Variants in CARNS1 observed in about 807,000 individuals in gnomAD.
CARNS1 encodes the protein carnosine synthase 1.
A neutral mutation model predicts 74.0 loss-of-function variants in CARNS1; 61 were observed. The observed-to-expected ratio is 0.82, with a 90% CI of 0.67 to 1.02. The LOEUF is 1.02. Ranked by LOEUF, CARNS1 falls within the 50% of genes least tolerant of loss-of-function variation. The probability of loss-of-function intolerance (pLI) is 0.00; values close to 1 mark genes in which losing one functional copy is unlikely to be tolerated. For synonymous variants in CARNS1, 568 were observed against 605.5 expected (o/e 0.94, Z 0.91); for missense variants, 1,278 against 1,308.4 (o/e 0.98, Z 0.36).
intron 2 of CARNS1, 66 bp from the exon 3 acceptor site, chr11:67,417,341 C>T (rs915835238): frequency 2.1e-5 from 27 of 1,287,982 alleles, no homozygotes; most frequent in Admixed American, 4.1e-5. Flanking sequence ...GGGGCTTACA[C>T]CCTTGGGTGA....
chr11:67,416,042 G>A, intron 1 of CARNS1, 134 bp from the exon 2 acceptor site: 1 of 673,762 alleles, frequency 1.5e-6, no homozygotes, highest in Non-Finnish European at 2.7e-6. Context: ...TGGGGGTGGG[G>A]CTGCCTTGGC....
At position 67,424,383 on chromosome 11, in the gene CARNS1, C is replaced by T. The variant is rs200372048; in HGVS notation, c.2635C>T (p.Arg879Cys). ...HLQALSSTAS[R>C]ETLQALHDRG... ...GCAGGCCCTGAGTTCCACCGCCAGC[C>T]GTGAGACCCTGCAGGCCCTGCACGA... The change falls in exon 10 of 10, where the codon CGT (arginine) becomes TGT (cysteine). Residue 879 changes from arginine (R) to cysteine (C), a missense_variant. Physicochemically the swap from Arg to Cys is radical, Grantham distance 180. Coordinates refer to ENST00000687366, the MANE Select transcript of CARNS1 (RefSeq NM_001166222.2). 1.9e-4 allele frequency: 297 copies of T among 1,595,652 alleles called. No homozygotes were observed. The African/African-American group carries it at 2.5e-3, about 14-fold the overall frequency.
In CARNS1 at chr11:67,423,828, T is replaced by G. The variant is rs749531241; in HGVS notation, c.2080T>G (p.Cys694Gly). The G allele has an allele frequency of 6.2e-7, 1 of 1,610,784 alleles. No homozygotes were observed. ...GVRLVEDAPQ[C>G]HEHFSRITRD... ...CCGGCTGGTAGAGGATGCGCCACAG[T>G]GCCATGAGCACTTTTCCCGGATTAC... The change falls in exon 10 of 10, where the codon TGC becomes GGC. Residue 694 changes from cysteine (C) to glycine (G), a missense_variant. By Grantham distance (159) the Cys-to-Gly change is radical. Around this residue, in one of 3 missense-constraint regions of CARNS1, gnomAD observed 1,164 missense variants for 1,156.5 expected, o/e 1.01. Coordinates refer to ENST00000687366, the MANE Select transcript of CARNS1 (RefSeq NM_001166222.2). This position sits in a 1 kb window ranked among gnomAD's most constrained non-coding sequence, Gnocchi z 5.1.
In CARNS1 at chr11:67,423,896, G is replaced by A; in HGVS notation, c.2148G>A (p.Leu716=). Residue 716 remains leucine (L), a synonymous_variant, in exon 10 of 10, where the codon CTG becomes CTA. Coordinates refer to ENST00000687366, the MANE Select transcript of CARNS1 (RefSeq NM_001166222.2). The surrounding 1 kb of genome is among the most constrained non-coding windows in gnomAD (Gnocchi z 5.1). The stretch of plus-strand genomic sequence containing the variant: ...AGGCCGACCACCCAGGCATTGGGCT[G>A]GGCTGGGGCAATGCCATGCTGCTGA... The part of the protein sequence containing the change: ...QGEADHPGIG[L]GWGNAMLLME... 2 of 1,613,664 alleles carry A rather than the reference G, an allele frequency of 1.2e-6. No homozygotes were observed. Among genetic ancestry groups the A allele is most frequent in the Non-Finnish European group, 1.7e-6 (2 of 1,179,880 alleles).
Position 67,419,061 on chromosome 11 carries a change from G to A in CARNS1, c.670G>A (p.Gly224Ser), listed in dbSNP as rs755306704. ...GACAAGGCAGTTGCTGGCCCAGCAG[G>A]GTGGTGTGGCTGTGCCAGCAACCCT... ...LLTRQLLAQQ[G>S]GVAVPATLAF... Residue 224 changes from glycine (G) to serine (S), a missense_variant, in exon 5 of 10, where the codon GGT becomes AGT. Physicochemically the swap from Gly to Ser is moderately conservative, Grantham distance 56 (BLOSUM62 0). This residue lies in a region of CARNS1 where 1,164 missense variants were observed against 1,156.5 expected (regional missense o/e 1.01). Transcript: ENST00000687366. 4 of 1,560,176 alleles carry A rather than the reference G, an allele frequency of 2.6e-6. No homozygotes were observed. The African/African-American group carries it at 5.4e-5, about 21-fold the overall frequency.
rs1283224559 is a variant in CARNS1 at position 67,423,813 on chromosome 11, G to A, written c.2065G>A (p.Glu689Lys). ...AGGTGCAGTGGGTGTCCGGCTGGTA[G>A]AGGATGCGCCACAGTGCCATGAGCA... ...GAGAVGVRLV[E>K]DAPQCHEHFS... Residue 689 changes from glutamate (E) to lysine (K), a missense_variant, in exon 10 of 10, where the codon GAG becomes AAG. Physicochemically the swap from Glu to Lys is moderately conservative, Grantham distance 56. Coordinates refer to ENST00000687366, the MANE Select transcript of CARNS1 (RefSeq NM_001166222.2). This position sits in a 1 kb window ranked among gnomAD's most constrained non-coding sequence, Gnocchi z 5.1. 6.2e-7 allele frequency: 1 copy of A among 1,608,272 alleles called. No individual in the cohort carries two copies. Among genetic ancestry groups the A allele is most frequent in the Non-Finnish European group, 8.5e-7 (1 of 1,179,612 alleles).
chr11:67,417,382 A>T, intron 2 of CARNS1, 25 bp from the exon 3 acceptor site: 1 of 1,322,878 alleles, frequency 7.6e-7, no homozygotes, highest in Non-Finnish European at 9.7e-7. Context: ...ACCCTGCCCA[A>T]GACCTACCAC....
At position 67,424,348 on chromosome 11, in the gene CARNS1, C is replaced by G; in HGVS notation, c.2600C>G (p.Ser867Cys). The G allele has an allele frequency of 1.9e-6, 3 of 1,606,970 alleles. No homozygotes were observed. The highest frequency in any genetic ancestry group is 2.5e-6 in the Non-Finnish European group (3 of 1,177,090). Residue 867 changes from serine to cysteine, a missense_variant, in exon 10 of 10, where the codon TCC becomes TGC. Physicochemically the swap from Ser to Cys is moderately radical, Grantham distance 112. Around this residue, in one of 3 missense-constraint regions of CARNS1, gnomAD observed 1,164 missense variants for 1,156.5 expected, o/e 1.01. Transcript: ENST00000687366. The part of the protein sequence containing the change: ...GHLVGVMCLV[S>C]QHLQALSSTA... Reference sequence around the variant, plus strand: ...CTGGTGGGCGTCATGTGCCTTGTGTCCCAGCACCTGCAGGCCCTGAGTTCC... The same window carrying G: ...CTGGTGGGCGTCATGTGCCTTGTGTGCCAGCACCTGCAGGCCCTGAGTTCC...
chr11:67,422,282 C>G (rs996524355), intron 9 of CARNS1, among the ~76,000 whole-genome samples: 1 of 143,256 alleles, frequency 7.0e-6, no homozygotes, highest in Non-Finnish European at 1.5e-5. Context: ...CTCCTGGGTT[C>G]AAGTGATTCT....
chr11:67,417,308 C>G, intron 2 of CARNS1, 99 bp from the exon 3 acceptor site: 5 of 1,263,894 alleles, frequency 4.0e-6, no homozygotes, highest in Middle Eastern at 2.0e-4. Context: ...CAGCCCTGAA[C>G]ATAGCCCAGG....
rs1013691256 is a variant in CARNS1, at chr11:67,421,039, G to C, written c.1446G>C (p.Gly482=). The stretch of plus-strand genomic sequence containing the variant: ...TGGAGGCGTGCGGCGCGCTGGAGGG[G>C]CTGTGGGCCGCGCCGCGGCTGGGGC... The part of the protein sequence containing the change: ...LCLEACGALE[G]LWAAPRLGPA... The change falls in exon 9 of 10, where the codon GGG becomes GGC. Residue 482 remains glycine, a synonymous_variant. Transcript: ENST00000687366. 1.2e-5 allele frequency: 17 copies of C among 1,360,634 alleles called. No homozygotes were observed. The highest frequency in any genetic ancestry group is 1.6e-5 in the Non-Finnish European group (17 of 1,067,336). 84.3% of individuals were successfully genotyped at this position (1,360,634 alleles called of 1,614,324 possible).
At chr11:67,416,622 T>C in intron 2 of CARNS1, 1 of 1,010,996 alleles carries the variant, frequency 9.9e-7, no homozygotes, top group South Asian at 3.9e-5. Flanking sequence ...CAAAGAGACC[T>C]CACGACTTGC....
Position 67,421,130 on chromosome 11 carries a change from C to G in CARNS1, c.1537C>G (p.Leu513Val). ...ETMLRRSARCLMEGKQLLVVG... is the reference protein window; with the variant it reads ...ETMLRRSARCVMEGKQLLVVG... Reference sequence around the variant, plus strand: ...CATGCTTCGGCGGTCGGCGCGCTGCCTCATGGAGGGAAAACAGCTGCTGGT... The same window carrying G: ...CATGCTTCGGCGGTCGGCGCGCTGCGTCATGGAGGGAAAACAGCTGCTGGT... The change falls in exon 9 of 10, where the codon CTC becomes GTC. Residue 513 changes from leucine (L) to valine (V), a missense_variant. Around this residue, in one of 3 missense-constraint regions of CARNS1, gnomAD observed 1,164 missense variants for 1,156.5 expected, o/e 1.01. Transcript: ENST00000687366. The G allele has an allele frequency of 6.7e-7, 1 of 1,483,040 alleles. No homozygotes were observed. The highest frequency in any genetic ancestry group is 8.9e-7 in the Non-Finnish European group (1 of 1,123,870). 91.9% of individuals were successfully genotyped at this position (1,483,040 alleles called of 1,614,324 possible).
Position 67,418,815 on chromosome 11 carries a change from C to T in CARNS1, c.424C>T (p.Pro142Ser). Residue 142 changes from proline to serine, a missense_variant, in exon 5 of 10, where the codon CCG (proline) becomes TCG (serine). Around this residue, in one of 3 missense-constraint regions of CARNS1, gnomAD observed 1,164 missense variants for 1,156.5 expected, o/e 1.01. Transcript: ENST00000687366. ...WLMKVPAPGQ[P>S]GEAALLVSKA... The stretch of plus-strand genomic sequence containing the variant: ...GATGAAGGTGCCAGCACCCGGGCAG[C>T]CGGGTGAGGCAGCCCTGCTAGTCTC... 6.2e-7 allele frequency: 1 copy of T among 1,600,204 alleles called. No individual in the cohort carries two copies. Among genetic ancestry groups the T allele is most frequent in the Admixed American group, 1.7e-5 (1 of 57,864 alleles).
intron 2 of CARNS1, chr11:67,416,655 C>T (rs1390518372): frequency 1.0e-6 from 1 of 994,412 alleles, no homozygotes; most frequent in Non-Finnish European, 1.2e-6. Context: ...AGCCTGTCCC[C>T]TGGAGGACAG....
At chr11:67,416,114 C>A in intron 1 of CARNS1, 62 bp from the exon 2 acceptor site, 2 of 1,026,226 alleles carry the variant, frequency 1.9e-6, no homozygotes, top group Non-Finnish European at 2.9e-6. Context: ...GGCTGGAAGG[C>A]CAGGCAGGGA....
intron 9 of CARNS1, among the ~76,000 whole-genome samples, chr11:67,422,038 C>T (rs1490371000): frequency 2.6e-5 from 4 of 151,938 alleles, no homozygotes; most frequent in African/African-American, 7.3e-5. Flanking sequence ...CCCGCCACCA[C>T]GCCTGGCTAA....
At position 67,421,038 on chromosome 11, in the gene CARNS1, G is replaced by A; in HGVS notation, c.1445G>A (p.Gly482Glu). 7.4e-7 allele frequency: 1 copy of A among 1,357,054 alleles called. No homozygotes were observed. The highest frequency in any genetic ancestry group is 9.4e-7 in the Non-Finnish European group (1 of 1,065,174). 84.1% of individuals were successfully genotyped at this position (1,357,054 alleles called of 1,614,324 possible). The change falls in exon 9 of 10, where the codon GGG (glycine) becomes GAG (glutamate). Residue 482 changes from glycine (G) to glutamate (E), a missense_variant. By Grantham distance (98) the Gly-to-Glu change is moderately conservative (BLOSUM62 -2). Around this residue, in one of 3 missense-constraint regions of CARNS1, gnomAD observed 1,164 missense variants for 1,156.5 expected, o/e 1.01. Transcript: ENST00000687366. ...LCLEACGALE[G>E]LWAAPRLGPA... ...CTGGAGGCGTGCGGCGCGCTGGAGGGGCTGTGGGCCGCGCCGCGGCTGGGG... is the reference window on the plus strand; with the variant it reads ...CTGGAGGCGTGCGGCGCGCTGGAGGAGCTGTGGGCCGCGCCGCGGCTGGGG...
intron 3 of CARNS1, 95 bp downstream of exon 3, chr11:67,417,772 C>A (rs1590957091): frequency 1.1e-6 from 1 of 904,638 alleles, no homozygotes. Context: ...TCGGCCCCTT[C>A]CCCTAGGCTC....
Sources: allele counts gnomAD v4.1 joint callset (sites outside exome capture counted in the v4.1 genomes callset), GRCh38; gene constraint gnomAD v4.1.1; regional missense constraint gnomAD v4.1.1; non-coding constraint Gnocchi (gnomAD v3.1); transcripts MANE v1.5; gene names NCBI Gene and HGNC (gene_info 2026-07-23, HGNC 2026-07-21).